The following ZBTB46 variants were observed in gnomAD, a reference collection of about 807,000 sequenced individuals.
ZBTB46 encodes zinc finger and BTB domain-containing protein 46.
ZBTB46 carries 8 observed loss-of-function variants against 44.1 expected under a neutral mutation model. That is an observed-to-expected ratio of 0.18 (90% CI 0.11 to 0.33). ZBTB46 has a LOEUF of 0.33. ZBTB46 is among the 10% of genes least tolerant of loss of function. ZBTB46 has a pLI of 1.00. For missense variants in ZBTB46, 651 were observed against 847.7 expected (o/e 0.77, Z 2.88); for synonymous variants, 409 against 382.3 (o/e 1.07, Z -0.81).
At chr20:63,772,019 T>G (rs1203405756) in intron 3 of ZBTB46, among the ~76,000 whole-genome samples, 2 of 148,036 alleles carry the variant, frequency 1.4e-5, no homozygotes. Flanking sequence ...TTTTTTTTTC[T>G]GACGAGTTTC....
intron 2 of ZBTB46, among the ~76,000 whole-genome samples, chr20:63,776,847 G>A (rs1021297256): frequency 8.7e-5 from 13 of 150,278 alleles, no homozygotes; most frequent in African/African-American, 2.9e-4. Flanking sequence ...ATAATAAAAA[G>A]GCAAATACTG....
chr20:63,752,881 G>A lies in ZBTB46; in HGVS notation c.1223-20C>T, dbSNP rs1464573956. The A allele has an allele frequency of 1.9e-6, 3 of 1,583,324 alleles. No individual in the cohort carries two copies. The highest frequency in any genetic ancestry group is 2.2e-5 in the South Asian group (2 of 89,250). On this transcript the variant is annotated intron_variant, in intron 3 of 4. Transcript: ENST00000245663. This position sits in a 1 kb window ranked among gnomAD's most constrained non-coding sequence, Gnocchi z 5.6. ...CATTCACTGAAAGAGAGGGACCCGC[G>A]AGGCGTCAGCAGGGCTTGGGATGTA...
chr20:63,833,555 C>G (rs1430582657), upstream of ZBTB46, among the ~76,000 whole-genome samples: 1 of 152,142 alleles, frequency 6.6e-6, no homozygotes, highest in African/African-American at 2.4e-5. Context: ...CGTGCCGCTG[C>G]ACTCCAGCCT....
chr20:63,813,332 C>T (rs2092728521), intron 1 of ZBTB46, among the ~76,000 whole-genome samples: 8 of 151,876 alleles, frequency 5.3e-5, no homozygotes, highest in Admixed American at 2.6e-4. Flanking sequence ...GCCTGTAATC[C>T]CAGCTATTCG....
At chr20:63,822,435 G>A (rs937285368) in intron 1 of ZBTB46, among the ~76,000 whole-genome samples, 9 of 152,200 alleles carry the variant, frequency 5.9e-5, no homozygotes, top group Non-Finnish European at 1.2e-4. Context: ...CCAGCCCTGG[G>A]ACTGATGGGC....
chr20:63,808,995 A>AAAAAG (rs2092701671), intron 1 of ZBTB46, among the ~76,000 whole-genome samples: 1 of 145,210 alleles, frequency 6.9e-6, no homozygotes, highest in Non-Finnish European at 1.5e-5. Flanking sequence ...AAAAAAAAAA[A>AAAAAG]AAAAGAAAAA....
intron 1 of ZBTB46, among the ~76,000 whole-genome samples, chr20:63,799,806 C>T (rs1222414400): frequency 6.6e-6 from 1 of 152,144 alleles, no homozygotes; most frequent in Non-Finnish European, 1.5e-5. Context: ...GACTAAGAGG[C>T]AAGGCCACAC....
intron 2 of ZBTB46, among the ~76,000 whole-genome samples, chr20:63,776,578 C>T (rs1264363292): frequency 2.6e-5 from 4 of 152,076 alleles, no homozygotes; most frequent in Admixed American, 6.5e-5. Context: ...CCGAGGCGGG[C>T]GGATCATCTG....
chr20:63,789,701 G>C (rs1273896986), intron 2 of ZBTB46, 120 bp downstream of exon 2: 2 of 1,476,370 alleles, frequency 1.4e-6, no homozygotes, highest in Non-Finnish European at 1.8e-6. Context: ...GTAAGAGGAA[G>C]TGACCCTAGA....
chr20:63,829,952 C>CCGT (rs1385782153), intron 1 of ZBTB46, among the ~76,000 whole-genome samples: 1 of 152,072 alleles, frequency 6.6e-6, no homozygotes, highest in Non-Finnish European at 1.5e-5. Flanking sequence ...GCCCAGGCCG[C>CCGT]GCGCTAAACA....
At chr20:63,805,711 G>A (rs1398992027) in intron 1 of ZBTB46, among the ~76,000 whole-genome samples, 1 of 151,974 alleles carries the variant, frequency 6.6e-6, no homozygotes, top group African/African-American at 2.4e-5. Context: ...TACTTTCACA[G>A]CAGCCCCAGG....
rs753001458 is a variant in ZBTB46, at chr20:63,747,278, A to G, written c.1422T>C (p.Tyr474=). The stretch of plus-strand genomic sequence containing the variant: ...AGACGCGGCTGCACACCTTGCACAC[A>G]TACTTCTTGTCCTTGCTGTGGACCT... The part of the protein sequence containing the change: ...HTLVHSKDKK[Y]VCKVCSRVFM... The change falls in exon 5 of 5, where the codon TAT becomes TAC. Residue 474 remains tyrosine, a synonymous_variant. Coordinates refer to ENST00000245663, the MANE Select transcript of ZBTB46 (RefSeq NM_001369741.1). The G allele has an allele frequency of 1.4e-6, 2 of 1,415,172 alleles. No individual in the cohort carries two copies. The highest frequency in any genetic ancestry group is 3.9e-5 in the East Asian group (1 of 25,530). The allele number at this position is 1,415,172 out of a possible 1,614,324, so 87.7% of individuals were successfully genotyped here.
chr20:63,784,454 C>T (rs2092496131), intron 2 of ZBTB46, among the ~76,000 whole-genome samples: 1 of 152,202 alleles, frequency 6.6e-6, no homozygotes, highest in African/African-American at 2.4e-5. Context: ...GTACACACTT[C>T]ACAGAACACA....
chr20:63,791,816 C>T (rs2092563256), intron 1 of ZBTB46, among the ~76,000 whole-genome samples: 2 of 152,338 alleles, frequency 1.3e-5, no homozygotes, highest in African/African-American at 2.4e-5. Context: ...GGGTACACCC[C>T]GTCCCGGAGT....
intron 1 of ZBTB46, among the ~76,000 whole-genome samples, chr20:63,801,260 G>A (rs961245271): frequency 2.6e-5 from 4 of 152,154 alleles, no homozygotes; most frequent in African/African-American, 9.7e-5. Flanking sequence ...ACACCAATCA[G>A]CGCCCTGTAT....
intron 3 of ZBTB46, among the ~76,000 whole-genome samples, chr20:63,760,514 G>A (rs1167428765): frequency 6.6e-6 from 1 of 151,182 alleles, no homozygotes; most frequent in Non-Finnish European, 1.5e-5. Context: ...TGCCCAGGCT[G>A]GAGTGCAGTG....
chr20:63,748,613 C>A (rs892343576), intron 4 of ZBTB46, among the ~76,000 whole-genome samples: 1 of 152,202 alleles, frequency 6.6e-6, no homozygotes, highest in Admixed American at 6.5e-5. Flanking sequence ...AATAGCAACC[C>A]CTGGCCCCTG....
intron 4 of ZBTB46, among the ~76,000 whole-genome samples, chr20:63,749,130 C>T (rs2092134040): frequency 6.6e-6 from 1 of 152,222 alleles, no homozygotes; most frequent in Admixed American, 6.5e-5. Flanking sequence ...CAAATGTCTG[C>T]TTCCAGAGCA....
At chr20:63,774,789 T>TGCCAGGTTCA (rs1555842830) in intron 3 of ZBTB46, among the ~76,000 whole-genome samples, 5 of 148,234 alleles carry the variant, frequency 3.4e-5, no homozygotes, top group Admixed American at 2.7e-4. Context: ...CTGCAAGCTC[T>TGCCAGGTTCA]GCCTGCCGGG....
Sources: gnomAD v4.1 joint callset for allele counts (sites outside exome capture counted in the v4.1 genomes callset) on GRCh38, gnomAD v4.1.1 for gene constraint, Gnocchi (gnomAD v3.1) non-coding constraint, MANE v1.5 for transcripts, NCBI Gene and HGNC (gene_info 2026-07-23, HGNC 2026-07-21) for gene names.